The following BANK1 variants were observed in gnomAD, a reference collection of about 807,000 sequenced individuals.
BANK1 encodes B-cell scaffold protein with ankyrin repeats.
In BANK1, 95 loss-of-function variants were observed where a neutral mutation model predicts 94.5. That is an observed-to-expected ratio of 1.00 (90% CI 0.85 to 1.19). The LOEUF (loss-of-function observed/expected upper bound fraction) is 1.19, where lower values mean the gene tolerates loss of function less well. BANK1 is among the 50% of genes most tolerant of loss of function. The pLI is 0.00. For missense variants in BANK1, 987 were observed against 932.2 expected, an observed-to-expected ratio of 1.06 and a Z score of -0.77; for synonymous variants, 334 against 308.4, an observed-to-expected ratio of 1.08 and a Z score of -0.87.
intron 9 of BANK1, among the ~76,000 whole-genome samples, chr4:102,026,177 G>A (rs931681051): frequency 1.4e-4 from 22 of 152,144 alleles, no homozygotes; most frequent in East Asian, 1.2e-3. Flanking sequence ...CTGTCCTTGC[G>A]GAGGGCATGA....
chr4:101,859,737 A>G (rs189780464), intron 3 of BANK1, among the ~76,000 whole-genome samples: 9 of 152,330 alleles, frequency 5.9e-5, no homozygotes, highest in Admixed American at 5.2e-4. Flanking sequence ...AAAGTGTCAT[A>G]TTTTTACAGA....
chr4:101,802,921 G>GTA (rs985956052), intron 1 of BANK1, among the ~76,000 whole-genome samples: 2 of 152,018 alleles, frequency 1.3e-5, no homozygotes, highest in African/African-American at 4.8e-5. Context: ...TATTCCTTTA[G>GTA]TACTCTGTTG....
chr4:101,986,823 GTA>G (rs1220440201), intron 7 of BANK1, among the ~76,000 whole-genome samples: 6 of 115,406 alleles, frequency 5.2e-5, no homozygotes, highest in Non-Finnish European at 1.1e-4. Context: ...ATATATATGT[GTA>G]TATATATGTA....
rs182899889 is a variant in BANK1, at chr4:101,869,774, C to T, written c.764-731C>T. ...TTCCACAGATGAATTTAAAGAATTACATTTTGTTTAGTATTCTTACACTAA... is the reference window on the plus strand; with the variant it reads ...TTCCACAGATGAATTTAAAGAATTATATTTTGTTTAGTATTCTTACACTAA... On this transcript the variant is annotated intron_variant, in intron 4 of 16. Transcript: ENST00000322953. Among the ~76,000 whole-genome samples the T allele has an allele frequency of 5.0e-3, 755 of 152,002 alleles. 4 individuals are homozygous for T. Among genetic ancestry groups the T allele is most frequent in the Non-Finnish European group, 8.0e-3 (546 of 67,856 alleles).
chr4:101,946,046 T>C (rs1052732245), intron 7 of BANK1, among the ~76,000 whole-genome samples: 37 of 151,938 alleles, frequency 2.4e-4, no homozygotes, highest in Non-Finnish European at 1.9e-4. Context: ...CTCTCAGAAG[T>C]TTGAACGAAT....
intron 7 of BANK1, among the ~76,000 whole-genome samples, chr4:101,924,568 A>T (rs1723095180): frequency 6.6e-6 from 1 of 151,810 alleles, no homozygotes; most frequent in African/African-American, 2.4e-5. Context: ...TAGCCTCCAC[A>T]GCAGTATAAT....
intron 7 of BANK1, among the ~76,000 whole-genome samples, chr4:101,925,269 G>T (rs898442742): frequency 6.6e-6 from 1 of 151,780 alleles, no homozygotes; most frequent in African/African-American, 2.4e-5. Context: ...ATGGAACAGA[G>T]CTAGGGTAGA....
rs538292036 is a variant in BANK1 at position 102,044,056 on chromosome 4, G to C, written c.1969+149G>C. 8.7e-5 allele frequency: 42 copies of C among 480,782 alleles called. No homozygotes were observed. The South Asian group carries it at 1.5e-3, about 17-fold the overall frequency. 29.8% of individuals were successfully genotyped at this position (480,782 alleles called of 1,614,324 possible). A position where few individuals can be genotyped will look rare whatever the true frequency, so the allele number is the denominator to read the frequency against. On this transcript the variant is annotated intron_variant, in intron 11 of 16. Coordinates refer to ENST00000322953, the MANE Select transcript of BANK1 (RefSeq NM_017935.5). ...TTTTTTTATTATTATTATACTTTAA[G>C]TTTTAGGGTACATGTGCACATTGTG...
Position 101,829,940 on chromosome 4 carries a change from G to C in BANK1, c.203G>C (p.Arg68Pro). Reference sequence around the variant, plus strand: ...TATCGCTTGGAGAATTTCTCTTTTCGGCATTTGGAGTTGCTGAACTTAACG... The same window carrying C: ...TATCGCTTGGAGAATTTCTCTTTTCCGCATTTGGAGTTGCTGAACTTAACG... ...LLYRLENFSF[R>P]HLELLNLTSY... The change falls in exon 2 of 17, where the codon CGG (arginine) becomes CCG (proline). Residue 68 changes from arginine to proline, a missense_variant. Transcript: ENST00000322953. The C allele has an allele frequency of 6.2e-7, 1 of 1,613,798 alleles. No individual in the cohort carries two copies. Among genetic ancestry groups the C allele is most frequent in the East Asian group, 2.2e-5 (1 of 44,818 alleles).
At chr4:102,070,765 G>A (rs760899542) in intron 13 of BANK1, among the ~76,000 whole-genome samples, 2 of 152,122 alleles carry the variant, frequency 1.3e-5, no homozygotes, top group Admixed American at 1.3e-4. Flanking sequence ...AAATCAGATC[G>A]GGGGTGCCAT....
intron 7 of BANK1, among the ~76,000 whole-genome samples, chr4:101,931,176 C>T (rs1723327282): frequency 6.6e-6 from 1 of 151,468 alleles, no homozygotes; most frequent in Admixed American, 6.6e-5. Context: ...TTTTAGGTAC[C>T]TACTTTCCTG....
chr4:102,054,826 C>A (rs1444262251), intron 11 of BANK1, among the ~76,000 whole-genome samples: 1 of 152,026 alleles, frequency 6.6e-6, no homozygotes, highest in African/African-American at 2.4e-5. Flanking sequence ...TCAACTTCTC[C>A]TCTGTGAAGA....
At chr4:101,854,399 T>G (rs771675850) in intron 2 of BANK1, among the ~76,000 whole-genome samples, 2 of 152,208 alleles carry the variant, frequency 1.3e-5, no homozygotes, top group African/African-American at 2.4e-5. Context: ...CTATGCTGCT[T>G]CTTTGAGATT....
chr4:101,971,523 T>A (rs549842098), intron 7 of BANK1, among the ~76,000 whole-genome samples: 52 of 152,252 alleles, frequency 3.4e-4, no homozygotes, highest in African/African-American at 1.2e-3. Context: ...TCTGTTTGTC[T>A]ATTTATGCTT....
chr4:102,033,570 A>G (rs75235218), intron 10 of BANK1, among the ~76,000 whole-genome samples: 3,154 of 152,320 alleles, frequency 0.021, 125 homozygotes, highest in African/African-American at 0.072. Context: ...AGGTATATGC[A>G]CACGTAGAAA....
chr4:101,909,608 C>T (rs1459412818), intron 6 of BANK1, among the ~76,000 whole-genome samples: 1 of 152,144 alleles, frequency 6.6e-6, no homozygotes, highest in Non-Finnish European at 1.5e-5. Flanking sequence ...TTTCCTTGCC[C>T]TCATTCCTGT....
chr4:101,966,228 T>G (rs1724750461), intron 7 of BANK1, among the ~76,000 whole-genome samples: 1 of 152,082 alleles, frequency 6.6e-6, no homozygotes, highest in South Asian at 2.1e-4. Context: ...TTTCTCCATC[T>G]TCCCCTCCTC....
chr4:101,924,224 A>T (rs1177946875), intron 7 of BANK1, among the ~76,000 whole-genome samples: 1 of 151,812 alleles, frequency 6.6e-6, no homozygotes, highest in Non-Finnish European at 1.5e-5. Flanking sequence ...GAGATTTCTC[A>T]TGTCTACTAA....
In BANK1 at chr4:101,822,329, G is replaced by A. The variant is rs567067748; in HGVS notation, c.71-7479G>A. On this transcript the variant is annotated intron_variant, in intron 1 of 16. Transcript: ENST00000322953. ...AGGTTGAACTGAGCCCCAAGATCAC[G>A]CCACTGCACTCCAGCCTTAGTGAGA... Among the ~76,000 whole-genome samples, 27 of 151,416 alleles carry A rather than the reference G, an allele frequency of 1.8e-4. 1 individual carries two copies. The South Asian group carries it at 2.1e-3, about 12-fold the overall frequency.
Sources: gnomAD v4.1 joint callset for allele counts (sites outside exome capture counted in the v4.1 genomes callset) on GRCh38, gnomAD v4.1.1 for gene constraint, MANE v1.5 for transcripts, NCBI Gene and HGNC (gene_info 2026-07-23, HGNC 2026-07-21) for gene names.